Variants in PTPRN2 observed in about 807,000 individuals in gnomAD.
The protein encoded by PTPRN2 is protein tyrosine phosphatase receptor type N2.
In PTPRN2, 74 loss-of-function variants were observed where a neutral mutation model predicts 118.8. The ratio of observed to expected loss-of-function variants is 0.62; its 90% CI spans 0.52 to 0.76. The LOEUF (loss-of-function observed/expected upper bound fraction) is 0.76, where lower values mean the gene tolerates loss of function less well. Among genes scored for constraint, PTPRN2 ranks in the 30% least tolerant of loss-of-function variants. The pLI is 0.00. For synonymous variants in PTPRN2, 641 were observed against 608.0 expected (o/e 1.05, Z -0.80); for missense variants, 1,481 against 1,394.4 (o/e 1.06, Z -0.99).
chr7:158,321,544 G>A (rs1803017865), intron 2 of PTPRN2, among the ~76,000 whole-genome samples: 1 of 152,230 alleles, frequency 6.6e-6, no homozygotes, highest in Non-Finnish European at 1.5e-5. Flanking sequence ...CCGCACCGCA[G>A]TGGAGGCAGG....
rs1317212827 is a variant in PTPRN2, at chr7:158,089,621, GA to G, written c.1644-8245del. ...AACCTTCTTCCCCTGATGAAAGAGG[GA>G]GTCTTCACACAAACCTTCTTCCCCT... is the stretch of plus-strand genomic sequence containing the variant. On this transcript the variant is annotated intron_variant, in intron 10 of 22. Coordinates refer to ENST00000389418, the MANE Select transcript of PTPRN2 (RefSeq NM_002847.5). Among the ~76,000 whole-genome samples the G allele has an allele frequency of 4.7e-4, 58 of 124,562 alleles. 1 individual carries two copies. Among genetic ancestry groups the G allele is most frequent in the South Asian group, 1.1e-3 (4 of 3,792 alleles). The allele number at this position is 124,562 out of a possible 152,430, so 81.7% of individuals were successfully genotyped here. A position where few individuals can be genotyped will look rare whatever the true frequency, so the allele number is the denominator to read the frequency against.
rs778526446 is a variant in PTPRN2 at position 157,784,418 on chromosome 7, C to T, written c.1789-101481G>A. 7.9e-5 allele frequency among the ~76,000 whole-genome samples: 12 copies of T among 152,320 alleles called. No homozygotes were observed. Among genetic ancestry groups the T allele is most frequent in the Middle Eastern group, 3.4e-3 (1 of 294 alleles). On this transcript the variant is annotated intron_variant, in intron 12 of 22. Coordinates refer to ENST00000389418, the MANE Select transcript of PTPRN2 (RefSeq NM_002847.5). The surrounding 1 kb of genome is among the most constrained non-coding windows in gnomAD (Gnocchi z 4.6). ...GTGCTCCTAGCAAGATGCCGACCTG[C>T]AGCAGCGCCCACAAGGCTCAGGGCT... is the stretch of plus-strand genomic sequence containing the variant.
intron 6 of PTPRN2, among the ~76,000 whole-genome samples, chr7:158,144,252 C>A (rs1291832839): frequency 6.6e-6 from 1 of 152,144 alleles, no homozygotes; most frequent in Admixed American, 6.5e-5. Flanking sequence ...TTTCTGAGCC[C>A]CCCAAGGTTT....
intron 11 of PTPRN2, among the ~76,000 whole-genome samples, chr7:158,073,012 G>A (rs1289951708): frequency 1.4e-4 from 22 of 152,134 alleles, no homozygotes; most frequent in Admixed American, 1.4e-3. Context: ...TGCAGCTACA[G>A]GGCAGGACTC....
chr7:157,708,897 G>A (rs4716772), intron 12 of PTPRN2, among the ~76,000 whole-genome samples: 8,459 of 152,256 alleles, frequency 0.056, 363 homozygotes, highest in East Asian at 0.22. Context: ...AGCCACCAGT[G>A]AGAGCTGAAC....
intron 11 of PTPRN2, among the ~76,000 whole-genome samples, chr7:157,956,646 G>C (rs1801202714): frequency 6.6e-6 from 1 of 152,244 alleles, no homozygotes; most frequent in Admixed American, 6.5e-5. Context: ...GACTGACAGA[G>C]TGATGCCAAG....
At chr7:158,271,240 G>A (rs1004840169) in intron 3 of PTPRN2, among the ~76,000 whole-genome samples, 46 of 152,198 alleles carry the variant, frequency 3.0e-4, no homozygotes, top group African/African-American at 6.5e-4. Flanking sequence ...GCGGTCAGCC[G>A]CAAAACACCA....
chr7:157,962,569 C>G (rs1034734294), intron 11 of PTPRN2, among the ~76,000 whole-genome samples: 6 of 152,214 alleles, frequency 3.9e-5, no homozygotes, highest in African/African-American at 1.4e-4. Context: ...ACTACAGCTT[C>G]CTGAAGTCAG....
At chr7:158,020,879 A>T (rs1806824529) in intron 11 of PTPRN2, among the ~76,000 whole-genome samples, 1 of 152,190 alleles carries the variant, frequency 6.6e-6, no homozygotes, top group Non-Finnish European at 1.5e-5. Context: ...TCCTGCCGGA[A>T]GTGTGGATGC....
At chr7:158,152,701 G>A (rs1821312796) in intron 6 of PTPRN2, among the ~76,000 whole-genome samples, 1 of 152,198 alleles carries the variant, frequency 6.6e-6, no homozygotes, top group Admixed American at 6.5e-5. Flanking sequence ...CCCATCCTGT[G>A]CCTATAAAAA....
intron 1 of PTPRN2, among the ~76,000 whole-genome samples, chr7:158,543,129 G>C (rs559665683): frequency 6.6e-6 from 1 of 152,230 alleles, no homozygotes. Flanking sequence ...CTTTAAAAAG[G>C]CTGCTCTTGT....
intron 2 of PTPRN2, among the ~76,000 whole-genome samples, chr7:158,354,029 C>T (rs1808202621): frequency 6.6e-6 from 1 of 152,236 alleles, no homozygotes; most frequent in Non-Finnish European, 1.5e-5. Context: ...GCTGCAGGAC[C>T]TGTGCTCCCA....
chr7:157,546,968 T>C (rs909910332), intron 22 of PTPRN2, among the ~76,000 whole-genome samples: 2 of 152,172 alleles, frequency 1.3e-5, no homozygotes, highest in Admixed American at 1.3e-4. Flanking sequence ...CTTGCGATGA[T>C]TTTGCCCAGA....
At chr7:158,325,653 C>T (rs1803442545) in intron 2 of PTPRN2, among the ~76,000 whole-genome samples, 3 of 152,212 alleles carry the variant, frequency 2.0e-5, no homozygotes, top group South Asian at 2.1e-4. Context: ...ACCCCAATTA[C>T]GAAGCCTTTG....
chr7:158,037,600 G>C (rs1313779585), intron 11 of PTPRN2, among the ~76,000 whole-genome samples: 1 of 152,226 alleles, frequency 6.6e-6, no homozygotes, highest in African/African-American at 2.4e-5. Context: ...TAAAGTATGT[G>C]ATTATAATCT....
chr7:157,766,614 T>C (rs1327684851), intron 12 of PTPRN2, among the ~76,000 whole-genome samples: 2 of 152,210 alleles, frequency 1.3e-5, no homozygotes, highest in Non-Finnish European at 2.9e-5. Flanking sequence ...TTGGATGACT[T>C]GGGTGTTCCT....
intron 12 of PTPRN2, chr7:157,863,625 C>CT (rs1425418630): frequency 6.6e-6 from 1 of 152,258 alleles, no homozygotes; most frequent in East Asian, 1.9e-4. Context: ...CTGTGATGGG[C>CT]TGAATGCGCC....
intron 1 of PTPRN2, among the ~76,000 whole-genome samples, chr7:158,578,579 G>T (rs116901093): frequency 1.3e-5 from 2 of 149,146 alleles, no homozygotes; most frequent in Non-Finnish European, 3.0e-5. Flanking sequence ...ACATGTATAC[G>T]CAGGTTTGTT....
At chr7:157,648,566 A>G (rs377023851) in intron 14 of PTPRN2, among the ~76,000 whole-genome samples, 39 of 100,498 alleles carry the variant, frequency 3.9e-4, no homozygotes, top group East Asian at 1.2e-3. Flanking sequence ...TCGGTGGGTC[A>G]GACCCATCCA....
Sources: gnomAD v4.1 joint callset for allele counts (sites outside exome capture counted in the v4.1 genomes callset) on GRCh38, gnomAD v4.1.1 for gene constraint, Gnocchi (gnomAD v3.1) non-coding constraint, MANE v1.5 for transcripts, NCBI Gene and HGNC (gene_info 2026-07-23, HGNC 2026-07-21) for gene names.